Variants in PRIM2 observed in about 807,000 individuals in gnomAD.
The protein encoded by PRIM2 is DNA primase large subunit.
In PRIM2, 39 loss-of-function variants were observed where a neutral mutation model predicts 67.3. That is an observed-to-expected ratio of 0.58 (90% CI 0.45 to 0.76). The LOEUF is 0.76. Among genes scored for constraint, PRIM2 ranks in the 30% least tolerant of loss-of-function variants. PRIM2 has a pLI of 0.00. For missense variants in PRIM2, 398 were observed against 598.7 expected (o/e 0.66, Z 3.50); for synonymous variants, 143 against 198.7 (o/e 0.72, Z 2.36).
At position 57,537,482 on chromosome 6, in the gene PRIM2, A is replaced by C; in HGVS notation, c.877A>C (p.Lys293Gln). The stretch of plus-strand genomic sequence containing the variant: ...CCCACCTTGCATGCGTCAGTTACAT[A>C]AAGCCTTGCGGGAAAATCACCATCT... ...SFPPCMRQLHKALRENHHLRH... is the reference protein window; with the variant it reads ...SFPPCMRQLHQALRENHHLRH... Residue 293 changes from lysine (K) to glutamine (Q), a missense_variant, in exon 10 of 14, where the codon AAA becomes CAA. Lys to Gln is a moderately conservative substitution (Grantham distance 53). Transcript: ENST00000615550. 7.9e-6 allele frequency: 12 copies of C among 1,519,584 alleles called. No homozygotes were observed. Among genetic ancestry groups the C allele is most frequent in the Non-Finnish European group, 1.1e-5 (12 of 1,101,238 alleles). 94.1% of individuals were successfully genotyped at this position (1,519,584 alleles called of 1,614,324 possible).
chr6:57,620,807 C>T (rs1776839256), intron 12 of PRIM2, among the ~76,000 whole-genome samples: 1 of 152,254 alleles, frequency 6.6e-6, no homozygotes, highest in Non-Finnish European at 1.5e-5. Flanking sequence ...GAGAACTCAT[C>T]AACCAACAAT....
At chr6:57,384,637 G>C (rs958297201) in intron 7 of PRIM2, among the ~76,000 whole-genome samples, 1 of 152,080 alleles carries the variant, frequency 6.6e-6, no homozygotes, top group Non-Finnish European at 1.5e-5. Context: ...CCTTTAGATG[G>C]GGTATCATGG....
Position 57,646,577 on chromosome 6 carries a change from T to A in PRIM2, c.*419T>A, listed in dbSNP as rs1202802840. ...CTGCATCCCAATCCATCTACAGGCA[T>A]GCACACTTATTAGGAAAGGAGGTTT... On this transcript the variant is annotated 3_prime_UTR_variant, in exon 14 of 14. Coordinates refer to ENST00000615550, the MANE Select transcript of PRIM2 (RefSeq NM_000947.5). The A allele has an allele frequency of 6.4e-6, 1 of 156,922 alleles. No homozygotes were observed. The highest frequency in any genetic ancestry group is 1.4e-5 in the Non-Finnish European group (1 of 71,504). 9.7% of individuals were successfully genotyped at this position (156,922 alleles called of 1,614,324 possible). A position where few individuals can be genotyped will look rare whatever the true frequency, so the allele number is the denominator to read the frequency against.
At chr6:57,595,780 C>T (rs1776355346) in intron 10 of PRIM2, among the ~76,000 whole-genome samples, 2 of 152,180 alleles carry the variant, frequency 1.3e-5, no homozygotes, top group African/African-American at 2.4e-5. Context: ...TTCCACCCTC[C>T]TATCATCTCC....
At chr6:57,360,261 G>A (rs9475872) in intron 5 of PRIM2, among the ~76,000 whole-genome samples, 9 of 152,126 alleles carry the variant, frequency 5.9e-5, no homozygotes, top group African/African-American at 1.7e-4. Flanking sequence ...ATAAATGAAT[G>A]AAACAATCAT....
rs1320074065 is a variant in PRIM2 at position 57,599,053 on chromosome 6, T to C, written c.1021-2040T>C. 1.3e-4 allele frequency among the ~76,000 whole-genome samples: 8 copies of C among 59,978 alleles called. 3 individuals carry two copies. The highest frequency in any genetic ancestry group is 2.5e-4 in the Non-Finnish European group (8 of 32,434). The allele number at this position is 59,978 out of a possible 152,430, so 39.3% of individuals were successfully genotyped here. On this transcript the variant is annotated intron_variant, in intron 10 of 13. Coordinates refer to ENST00000615550, the MANE Select transcript of PRIM2 (RefSeq NM_000947.5). The stretch of plus-strand genomic sequence containing the variant: ...GCTCCGCCTCCCGGGTTCACGCCAT[T>C]CTCCTGCCTCAGCCTCCCGAGTAGC...
chr6:57,353,516 T>A (rs1768924894), intron 5 of PRIM2, among the ~76,000 whole-genome samples: 1 of 152,232 alleles, frequency 6.6e-6, no homozygotes, highest in African/African-American at 2.4e-5. Context: ...TTGGCCTGAT[T>A]ATTTTTCTTT....
intron 10 of PRIM2, among the ~76,000 whole-genome samples, chr6:57,583,696 T>C (rs1776139843): frequency 6.6e-6 from 1 of 152,208 alleles, no homozygotes; most frequent in East Asian, 1.9e-4. Flanking sequence ...TACCCAGTAA[T>C]GGGATGGCTG....
intron 7 of PRIM2, among the ~76,000 whole-genome samples, chr6:57,475,183 C>T (rs1345223222): frequency 6.6e-6 from 1 of 152,134 alleles, no homozygotes; most frequent in Admixed American, 6.5e-5. Flanking sequence ...TCCCTTCCTC[C>T]TCCTACAACT....
At chr6:57,305,494 T>G in the PRIM2 span, among the ~76,000 whole-genome samples, 2 of 152,152 alleles carry the variant, frequency 1.3e-5, no homozygotes, top group Non-Finnish European at 2.9e-5. Flanking sequence ...ACTGAAATAT[T>G]CAGAATCGTT....
chr6:57,508,952 A>G (rs1399135811), intron 8 of PRIM2, among the ~76,000 whole-genome samples: 4 of 152,228 alleles, frequency 2.6e-5, no homozygotes, highest in African/African-American at 9.6e-5. Context: ...TATGTAGTCA[A>G]GCACCAATAG....
intron 7 of PRIM2, among the ~76,000 whole-genome samples, chr6:57,500,554 T>C (rs1774110747): frequency 2.0e-5 from 3 of 152,188 alleles, no homozygotes; most frequent in South Asian, 4.1e-4. Context: ...TGTAAAAGCA[T>C]AGGATTGCTT....
rs1409798503 is a variant in PRIM2 at position 57,329,651 on chromosome 6, C to T, written c.459+3606C>T. ...CCCTTTGCTTGGTTCTCATTCCCTC[C>T]CCTGCCGCCCTGTGAAGAGGTGCCA... On this transcript the variant is annotated intron_variant, in intron 5 of 13. Transcript: ENST00000615550. Among the ~76,000 whole-genome samples the T allele has an allele frequency of 2.0e-5, 3 of 152,040 alleles. No homozygotes were observed. In the East Asian group the frequency reaches 5.8e-4, roughly 29 times the overall value.
In PRIM2 at chr6:57,339,813, A is replaced by G. The variant is rs551220117; in HGVS notation, c.459+13768A>G. On this transcript the variant is annotated intron_variant, in intron 5 of 13. Coordinates refer to ENST00000615550, the MANE Select transcript of PRIM2 (RefSeq NM_000947.5). The stretch of plus-strand genomic sequence containing the variant: ...AGGCATGGGCAAGGACTTTATGTCT[A>G]AAACACCAAAAGCAATGGCAACAAA... Among the ~76,000 whole-genome samples, 4 of 152,334 alleles carry G rather than the reference A, an allele frequency of 2.6e-5. No homozygotes were observed. The East Asian group carries it at 5.8e-4, about 22-fold the overall frequency.
rs1273073816 is a variant in PRIM2 at position 57,639,545 on chromosome 6, T to A, written c.1300-6383T>A. Among the ~76,000 whole-genome samples the A allele has an allele frequency of 4.7e-5, 7 of 149,416 alleles. No homozygotes were observed. The East Asian group carries it at 1.2e-3, about 25-fold the overall frequency. On this transcript the variant is annotated intron_variant, in intron 13 of 13. Transcript: ENST00000615550. ...AGAAAAGAGAGAAGAATCAAATAGA[T>A]GCAATAAAAAATGATAAAGGGGATA...
the PRIM2 span, among the ~76,000 whole-genome samples, chr6:57,290,028 C>G: frequency 6.6e-6 from 1 of 151,900 alleles, no homozygotes; most frequent in African/African-American, 2.4e-5. Flanking sequence ...ATTGTCAAGA[C>G]CCATCGGTGT....
chr6:57,345,519 T>G, intron 5 of PRIM2, among the ~76,000 whole-genome samples: 1 of 144,138 alleles, frequency 6.9e-6, no homozygotes, highest in South Asian at 2.2e-4. Context: ...CATACATATA[T>G]ATTTATATCC....
chr6:57,453,882 C>T (rs1772651549), intron 7 of PRIM2, among the ~76,000 whole-genome samples: 1 of 152,162 alleles, frequency 6.6e-6, no homozygotes, highest in African/African-American at 2.4e-5. Flanking sequence ...AAAGGGAATG[C>T]TTCCCGTTTT....
At chr6:57,398,680 G>A (rs1033720957) in intron 7 of PRIM2, among the ~76,000 whole-genome samples, 1 of 152,162 alleles carries the variant, frequency 6.6e-6, no homozygotes, top group Admixed American at 6.5e-5. Context: ...CCAGTGTTGA[G>A]TTCAGGTCCT....
Sources: allele counts gnomAD v4.1 joint callset (sites outside exome capture counted in the v4.1 genomes callset), GRCh38; gene constraint gnomAD v4.1.1; transcripts MANE v1.5; gene names NCBI Gene and HGNC (gene_info 2026-07-23, HGNC 2026-07-21).